Variants in CFAP251 observed in about 807,000 individuals in gnomAD.
CFAP251 encodes cilia and flagella associated protein 251, also known as cilia- and flagella-associated protein 251.
In CFAP251, 93 loss-of-function variants were observed where a neutral mutation model predicts 126.7. The observed-to-expected ratio is 0.73, with a 90% CI of 0.62 to 0.87. The LOEUF (loss-of-function observed/expected upper bound fraction) is 0.87, where lower values mean the gene tolerates loss of function less well. Ranked by LOEUF, CFAP251 falls within the 40% of genes least tolerant of loss-of-function variation. The pLI, the probability that CFAP251 is intolerant of heterozygous loss-of-function variation, is 0.00. For synonymous variants in CFAP251, 503 were observed against 506.9 expected (o/e 0.99, Z 0.10); for missense variants, 1,287 against 1,389.2 (o/e 0.93, Z 1.17).
chr12:121,931,521 C>G (rs1880687505), intron 3 of CFAP251, among the ~76,000 whole-genome samples: 1 of 152,116 alleles, frequency 6.6e-6, no homozygotes, highest in African/African-American at 2.4e-5. Context: ...CCATGTTGGC[C>G]AGGTTGGTCT....
At position 122,003,811 on chromosome 12, in the gene CFAP251, A is replaced by G. The variant is rs558460461; in HGVS notation, c.*47A>G. ...CACAAAGGACTTTGGGTGTGTGTGC[A>G]TGCACATGTGTGTGTTTTCCATGAG... On this transcript the variant is annotated 3_prime_UTR_variant, in exon 22 of 22. Transcript: ENST00000288912. 678 of 1,431,806 alleles carry G rather than the reference A, an allele frequency of 4.7e-4. 13 individuals carry two copies. In the South Asian group the frequency reaches 8.3e-3, roughly 18 times the overall value. 88.7% of individuals were successfully genotyped at this position (1,431,806 alleles called of 1,614,324 possible). A position where few individuals can be genotyped will look rare whatever the true frequency, so the allele number is the denominator to read the frequency against.
At chr12:121,977,708 C>T (rs763849693) in intron 19 of CFAP251, among the ~76,000 whole-genome samples, 3 of 150,646 alleles carry the variant, frequency 2.0e-5, no homozygotes, top group Non-Finnish European at 4.4e-5. Flanking sequence ...GTAATCCCAG[C>T]ACTTTGGGAG....
chr12:121,984,292 A>ATTAT (rs760778335), intron 19 of CFAP251, among the ~76,000 whole-genome samples: 72 of 152,102 alleles, frequency 4.7e-4, no homozygotes, highest in South Asian at 1.5e-3. Flanking sequence ...CCTAGAAATC[A>ATTAT]TTATTTATTT....
chr12:121,920,642 C>T (rs542027266), intron 1 of CFAP251, among the ~76,000 whole-genome samples: 50 of 152,190 alleles, frequency 3.3e-4, no homozygotes, highest in African/African-American at 9.9e-4. Flanking sequence ...GTGATCCACC[C>T]GCGTCAGCCT....
At position 121,957,430 on chromosome 12, in the gene CFAP251, C is replaced by T. The variant is rs531264711; in HGVS notation, c.1730+162C>T. The stretch of plus-strand genomic sequence containing the variant: ...AAAATTAATGAAACATAAGGCCGGG[C>T]GTGGTGGCTCACGCCTGTAATCCCA... On this transcript the variant is annotated intron_variant, in intron 11 of 21. Coordinates refer to ENST00000288912, the MANE Select transcript of CFAP251 (RefSeq NM_144668.6). 5.3e-5 allele frequency among the ~76,000 whole-genome samples: 8 copies of T among 152,102 alleles called. No individual in the cohort carries two copies. The East Asian group carries it at 9.7e-4, about 18-fold the overall frequency.
intron 3 of CFAP251, among the ~76,000 whole-genome samples, chr12:121,930,611 A>G (rs1374304251): frequency 6.6e-6 from 1 of 152,208 alleles, no homozygotes; most frequent in East Asian, 1.9e-4. Context: ...ATTTCATAAA[A>G]TTTTAATTTT....
chr12:121,958,445 A>T lies in CFAP251; in HGVS notation c.1904A>T (p.Tyr635Phe). 2 of 1,614,252 alleles carry T rather than the reference A, an allele frequency of 1.2e-6. No homozygotes were observed. Among genetic ancestry groups the T allele is most frequent in the Non-Finnish European group, 1.7e-6 (2 of 1,180,038 alleles). ...SICGMIKVWN[Y>F]ENKQYLFSRV... ...TGTGGGATGATCAAAGTGTGGAATT[A>T]TGAAAACAAACAATATCTTTTCAGC... Residue 635 changes from tyrosine to phenylalanine, a missense_variant, in exon 12 of 22, where the codon TAT (tyrosine) becomes TTT (phenylalanine). Tyr to Phe is a conservative substitution (Grantham distance 22). Coordinates refer to ENST00000288912, the MANE Select transcript of CFAP251 (RefSeq NM_144668.6).
intron 5 of CFAP251, among the ~76,000 whole-genome samples, chr12:121,941,440 A>G (rs113080272): frequency 0.015 from 1,972 of 131,744 alleles, 23 homozygotes; most frequent in Middle Eastern, 0.039. Flanking sequence ...CTCAAGCGAT[A>G]CTCCCACCTC....
chr12:121,958,525 A>G lies in CFAP251; in HGVS notation c.1981+3A>G, dbSNP rs372022780. 2.5e-6 allele frequency: 4 copies of G among 1,613,978 alleles called. No individual in the cohort carries two copies. The African/African-American group carries it at 5.3e-5, about 22-fold the overall frequency. On this transcript the variant is annotated splice_donor_region_variant and intron_variant, in intron 12 of 21. Transcript: ENST00000288912. Reference sequence around the variant, plus strand: ...GAGTCTGACCTACAACCCCGAAGGTATTTTCATCTTATCAGCCTACCATCG... The same window carrying G: ...GAGTCTGACCTACAACCCCGAAGGTGTTTTCATCTTATCAGCCTACCATCG...
At chr12:121,955,404 G>C (rs1881693120) in intron 10 of CFAP251, among the ~76,000 whole-genome samples, 1 of 152,166 alleles carries the variant, frequency 6.6e-6, no homozygotes, top group Non-Finnish European at 1.5e-5. Context: ...CTTGCTGAGT[G>C]ACCTTGAGCA....
chr12:121,999,739 C>A lies in CFAP251; in HGVS notation c.3030C>A (p.Ile1010=). The A allele has an allele frequency of 1.9e-6, 3 of 1,606,822 alleles. No homozygotes were observed. Among genetic ancestry groups the A allele is most frequent in the South Asian group, 2.2e-5 (2 of 90,816 alleles). The change falls in exon 20 of 22, where the codon ATC becomes ATA. Residue 1010 remains isoleucine (I), a synonymous_variant. Coordinates refer to ENST00000288912, the MANE Select transcript of CFAP251 (RefSeq NM_144668.6). ...AGATTGATGATATATTTAACGAAATCAAATTTGGTGAATATGTGGACACTG... is the reference window on the plus strand; with the variant it reads ...AGATTGATGATATATTTAACGAAATAAAATTTGGTGAATATGTGGACACTG... ...EEKIDDIFNE[I]KFGEYVDTGK... is the part of the protein sequence containing the mutation.
At chr12:121,985,822 C>T (rs1882733045) in intron 19 of CFAP251, among the ~76,000 whole-genome samples, 1 of 151,922 alleles carries the variant, frequency 6.6e-6, no homozygotes. Context: ...CACTGATATC[C>T]ATTGATAGGA....
chr12:121,995,013 C>T (rs1882992465), intron 19 of CFAP251, among the ~76,000 whole-genome samples: 1 of 152,078 alleles, frequency 6.6e-6, no homozygotes, highest in South Asian at 2.1e-4. Flanking sequence ...CTGTTGAATG[C>T]TTGCTATGTG....
At chr12:121,958,739 G>C (rs1881820335) in intron 12 of CFAP251, among the ~76,000 whole-genome samples, 1 of 151,632 alleles carries the variant, frequency 6.6e-6, no homozygotes, top group African/African-American at 2.4e-5. Flanking sequence ...CCTTCTCTCT[G>C]GGGCTCCCGC....
At chr12:121,963,203 C>T (rs1390116820) in intron 15 of CFAP251, among the ~76,000 whole-genome samples, 1 of 152,096 alleles carries the variant, frequency 6.6e-6, no homozygotes, top group Non-Finnish European at 1.5e-5. Context: ...AAAGAGGGGT[C>T]AGATTCTGGA....
chr12:121,990,364 G>A (rs1882849067), intron 19 of CFAP251, among the ~76,000 whole-genome samples: 1 of 152,228 alleles, frequency 6.6e-6, no homozygotes, highest in East Asian at 1.9e-4. Context: ...GTTGGCCTCA[G>A]GAGGGTGAGA....
At chr12:121,956,621 G>A (rs993151598) in intron 10 of CFAP251, among the ~76,000 whole-genome samples, 4 of 152,012 alleles carry the variant, frequency 2.6e-5, no homozygotes, top group Non-Finnish European at 5.9e-5. Flanking sequence ...TCAGCCTCCC[G>A]AGTAGCTGGG....
chr12:121,968,249 T>G, intron 17 of CFAP251, 80 bp downstream of exon 17: 19 of 1,404,232 alleles, frequency 1.4e-5, no homozygotes, highest in Non-Finnish European at 1.8e-5. Flanking sequence ...TGAACCCTAC[T>G]GCGTGCCAGG....
intron 11 of CFAP251, among the ~76,000 whole-genome samples, chr12:121,957,926 G>A (rs901888294): frequency 2.0e-5 from 3 of 152,120 alleles, no homozygotes; most frequent in African/African-American, 7.2e-5. Flanking sequence ...AATTATCTGT[G>A]AGTCTGCTTA....
Sources: gnomAD v4.1 joint callset for allele counts (sites outside exome capture counted in the v4.1 genomes callset) on GRCh38, gnomAD v4.1.1 for gene constraint, MANE v1.5 for transcripts, NCBI Gene and HGNC (gene_info 2026-07-23, HGNC 2026-07-21) for gene names.